The following NEK5 variants were observed in gnomAD, a reference collection of about 807,000 sequenced individuals.
The protein encoded by NEK5 is NIMA related kinase 5.
NEK5 carries 88 observed loss-of-function variants against 109.2 expected under a neutral mutation model. The ratio of observed to expected loss-of-function variants is 0.81; its 90% CI spans 0.68 to 0.96. The LOEUF is 0.96. NEK5 is among the 40% of genes least tolerant of loss of function. The pLI is 0.00. For missense variants in NEK5, 834 were observed against 920.7 expected (o/e 0.91, Z 1.22); for synonymous variants, 283 against 299.9 (o/e 0.94, Z 0.58).
At position 52,036,091 on chromosome 13, in the gene NEK5, G is replaced by T. The variant is rs1954359423; in HGVS notation, c.*857C>A. ...TGTTGGCAGGGCTGTGTTCCTTCTG[G>T]AGGCTCTAGGGAAGAATCCATTTCT... On this transcript the variant is annotated 3_prime_UTR_variant, in exon 24 of 24. Transcript: ENST00000684899. 6.6e-6 allele frequency: 1 copy of T among 152,136 alleles called. No individual in the cohort carries two copies. The highest frequency in any genetic ancestry group is 2.1e-4 in the South Asian group (1 of 4,826). 9.4% of individuals were successfully genotyped at this position (152,136 alleles called of 1,614,324 possible).
intron 20 of NEK5, among the ~76,000 whole-genome samples, chr13:52,068,943 C>T (rs2137781622): frequency 6.6e-6 from 1 of 150,412 alleles, no homozygotes; most frequent in Non-Finnish European, 1.5e-5. Context: ...TGCACTCCAG[C>T]CTGGGCGACA....
intron 20 of NEK5, among the ~76,000 whole-genome samples, chr13:52,069,149 C>T (rs975977694): frequency 2.6e-5 from 4 of 151,860 alleles, no homozygotes; most frequent in Admixed American, 6.6e-5. Context: ...AACAGCCAAC[C>T]CCCTCTGCTT....
intron 19 of NEK5, among the ~76,000 whole-genome samples, chr13:52,073,008 G>A (rs1180636556): frequency 6.6e-6 from 1 of 152,142 alleles, no homozygotes; most frequent in Non-Finnish European, 1.5e-5. Context: ...CTGTGGCAAG[G>A]AGAGCCCAAA....
At chr13:52,049,782 G>A (rs1431301065) in intron 23 of NEK5, among the ~76,000 whole-genome samples, 2 of 152,162 alleles carry the variant, frequency 1.3e-5, no homozygotes, top group African/African-American at 4.8e-5. Flanking sequence ...TTGATATACT[G>A]TGTATGATGA....
chr13:52,100,009 C>T (rs1198859255), intron 11 of NEK5, 133 bp from the exon 12 acceptor site: 2 of 669,218 alleles, frequency 3.0e-6, no homozygotes, highest in African/African-American at 3.6e-5. Context: ...AGATATTTTA[C>T]ACACAGTGAG....
chr13:52,106,630 G>A (rs1955661385), intron 8 of NEK5, among the ~76,000 whole-genome samples: 2 of 152,050 alleles, frequency 1.3e-5, no homozygotes, highest in South Asian at 4.1e-4. Context: ...AGCTGGGCAT[G>A]GTGGGGCGTG....
chr13:52,038,844 A>AAAAG (rs1282283395), intron 23 of NEK5, among the ~76,000 whole-genome samples: 1 of 151,900 alleles, frequency 6.6e-6, no homozygotes, highest in Non-Finnish European at 1.5e-5. Flanking sequence ...AAAAAAAAAA[A>AAAAG]AGTGGTGACA....
At chr13:52,071,159 C>T (rs1475574624) in intron 20 of NEK5, among the ~76,000 whole-genome samples, 1 of 152,118 alleles carries the variant, frequency 6.6e-6, no homozygotes, top group African/African-American at 2.4e-5. Flanking sequence ...TAAGGGTGCA[C>T]CCTGGTGACA....
rs763453709 is a variant in NEK5, at chr13:52,089,272, T to TTTCA, written c.1249_1250insTGAA (p.Tyr417LeufsTer3). 6 of 1,605,904 alleles carry TTTCA rather than the reference T, an allele frequency of 3.7e-6. No homozygotes were observed. The Admixed American group carries it at 1.0e-4, about 27-fold the overall frequency. On this transcript the variant is annotated frameshift_variant, in exon 14 of 24. Coordinates refer to ENST00000684899, the MANE Select transcript of NEK5 (RefSeq NM_001365552.1). LOFTEE classifies it high-confidence loss of function. ...CAATTGCTTCTCCACTTTCAACTTATATTGTTGAGCTTCAAATTTTCTCTG... is the reference window on the plus strand; with the variant it reads ...CAATTGCTTCTCCACTTTCAACTTATTTCAATTGTTGAGCTTCAAATTTTCTCTG...
At position 52,108,324 on chromosome 13, in the gene NEK5, T is replaced by A. The variant is rs1955692833; in HGVS notation, c.548A>T (p.Asn183Ile). The A allele has an allele frequency of 6.3e-7, 1 of 1,599,480 alleles. No individual in the cohort carries two copies. The highest frequency in any genetic ancestry group is 1.7e-5 in the Admixed American group (1 of 59,452). ...CTAAGAGTCAGCAACTTACGTTTTA[T>A]TGTTGTAGGGTTTATTCTGACAGAT... ...PEICQNKPYN[N>I]KTDIWSLGCV... is the part of the protein sequence containing the mutation. The change falls in exon 8 of 24, where the codon AAT becomes ATT. Residue 183 changes from asparagine to isoleucine, a missense_variant. Coordinates refer to ENST00000684899, the MANE Select transcript of NEK5 (RefSeq NM_001365552.1).
At position 52,050,498 on chromosome 13, in the gene NEK5, C is replaced by T. The variant is rs573157866; in HGVS notation, c.2111-277G>A. ...ATCTTTGTGTAAAAAAAAGATTTAC[C>T]ACAGTTGGACCACTCTTATTCTCCA... On this transcript the variant is annotated intron_variant, in intron 22 of 23. Transcript: ENST00000684899. Among the ~76,000 whole-genome samples the T allele has an allele frequency of 4.0e-5, 6 of 151,886 alleles. No homozygotes were observed. In the South Asian group the frequency reaches 1.0e-3, roughly 26 times the overall value.
chr13:52,110,903 TG>T lies in NEK5; in HGVS notation c.313-327del, dbSNP rs1254298332. On this transcript the variant is annotated intron_variant, in intron 5 of 23. Coordinates refer to ENST00000684899, the MANE Select transcript of NEK5 (RefSeq NM_001365552.1). The stretch of plus-strand genomic sequence containing the variant: ...TTTTTCTTTTTTTCCTACTTAACCC[TG>T]GGGTGCTAACTGCATCGTGAATAGT... Among the ~76,000 whole-genome samples, 3 of 152,214 alleles carry T rather than the reference TG, an allele frequency of 2.0e-5. No homozygotes were observed. The South Asian group carries it at 6.2e-4, about 32-fold the overall frequency.
intron 4 of NEK5, among the ~76,000 whole-genome samples, chr13:52,114,670 T>C (rs1470584478): frequency 1.3e-5 from 2 of 152,174 alleles, no homozygotes; most frequent in East Asian, 1.9e-4. Context: ...AAGAAGTCTG[T>C]AGGCTGGAGG....
At chr13:52,071,872 T>C in intron 20 of NEK5, 72 bp downstream of exon 20, 2 of 1,372,288 alleles carry the variant, frequency 1.5e-6, no homozygotes, top group Non-Finnish European at 2.1e-6. Flanking sequence ...GGCAGATGCA[T>C]GGGGACAGAG....
At chr13:52,108,801 T>A (rs1361055396) in intron 7 of NEK5, among the ~76,000 whole-genome samples, 1 of 152,226 alleles carries the variant, frequency 6.6e-6, no homozygotes, top group Non-Finnish European at 1.5e-5. Flanking sequence ...ATTGTTAAAA[T>A]TCTGATATAT....
chr13:52,043,806 G>A (rs1399237484), intron 23 of NEK5, among the ~76,000 whole-genome samples: 1 of 152,228 alleles, frequency 6.6e-6, no homozygotes. Flanking sequence ...TGGTAAGGAT[G>A]TTGAACAACT....
chr13:52,063,209 A>T lies in NEK5; in HGVS notation c.1976-1256T>A, dbSNP rs116950096. ...TGCCTCAGCCTGCCGAGTGCCCGTG[A>T]TTACAGACACGCGTCGCCACGCCTG... On this transcript the variant is annotated intron_variant, in intron 21 of 23. Transcript: ENST00000684899. 1.8e-3 allele frequency among the ~76,000 whole-genome samples: 280 copies of T among 152,272 alleles called. 4 individuals carry two copies. In the East Asian group the frequency reaches 0.045, roughly 24 times the overall value.
intron 7 of NEK5, among the ~76,000 whole-genome samples, 177 bp downstream of exon 7, chr13:52,110,163 C>T (rs1169531190): frequency 6.6e-6 from 1 of 152,122 alleles, no homozygotes; most frequent in Non-Finnish European, 1.5e-5. Context: ...TCTATTACAC[C>T]ACAATTTATC....
At chr13:52,108,503 A>G (rs1208687419) in intron 7 of NEK5, 99 bp from the exon 8 acceptor site, 1 of 711,114 alleles carries the variant, frequency 1.4e-6, no homozygotes, top group African/African-American at 1.8e-5. Flanking sequence ...AAAATGGATA[A>G]CACAAGATTT....
Sources: allele counts gnomAD v4.1 joint callset (sites outside exome capture counted in the v4.1 genomes callset), GRCh38; gene constraint gnomAD v4.1.1; transcripts MANE v1.5; gene names NCBI Gene and HGNC (gene_info 2026-07-23, HGNC 2026-07-21).